Variants in PTPRN2 observed in about 807,000 individuals in gnomAD.
The protein encoded by PTPRN2 is receptor-type tyrosine-protein phosphatase N2.
Under a neutral mutation model 118.8 loss-of-function variants are expected in PTPRN2, and 74 were observed. The observed-to-expected ratio is 0.62, with a 90% CI of 0.52 to 0.76. PTPRN2 has a LOEUF of 0.76. PTPRN2 is among the 30% of genes least tolerant of loss of function. The probability of loss-of-function intolerance (pLI) is 0.00; values close to 1 mark genes in which losing one functional copy is unlikely to be tolerated. For missense variants in PTPRN2, 1,481 were observed against 1,394.4 expected, an observed-to-expected ratio of 1.06 and a Z score of -0.99; for synonymous variants, 641 against 608.0, an observed-to-expected ratio of 1.05 and a Z score of -0.80.
chr7:158,337,086 C>T (rs1805739189), intron 2 of PTPRN2, among the ~76,000 whole-genome samples: 1 of 151,468 alleles, frequency 6.6e-6, no homozygotes, highest in African/African-American at 2.4e-5. Flanking sequence ...GCAGACGTCA[C>T]TCACACCCAC....
At chr7:157,718,428 G>A (rs1467188706) in intron 12 of PTPRN2, among the ~76,000 whole-genome samples, 1 of 152,206 alleles carries the variant, frequency 6.6e-6, no homozygotes, top group Non-Finnish European at 1.5e-5. Context: ...TGATTCTACG[G>A]TGGCTTCACA....
rs1355043061 is a variant in PTPRN2 at position 157,794,569 on chromosome 7, C to T, written c.1788+104104G>A. ...CTATCACCCTCACTGTCACTCTCCG[C>T]TTTGTTTAAATGTGGGGATTTCATT... On this transcript the variant is annotated intron_variant, in intron 12 of 22. Transcript: ENST00000389418. The surrounding 1 kb of genome is among the most constrained non-coding windows in gnomAD (Gnocchi z 5.2). 6.6e-6 allele frequency among the ~76,000 whole-genome samples: 1 copy of T among 152,228 alleles called. No individual in the cohort carries two copies. The highest frequency in any genetic ancestry group is 1.5e-5 in the Non-Finnish European group (1 of 68,046).
At chr7:157,755,717 A>AC in intron 12 of PTPRN2, among the ~76,000 whole-genome samples, 1 of 151,820 alleles carries the variant, frequency 6.6e-6, no homozygotes, top group East Asian at 1.9e-4. Flanking sequence ...GACACTGGGG[A>AC]CCCCCAGAGG....
chr7:158,457,487 G>A (rs1029574517), intron 2 of PTPRN2, among the ~76,000 whole-genome samples: 4 of 151,392 alleles, frequency 2.6e-5, no homozygotes, highest in South Asian at 4.2e-4. Flanking sequence ...ACACGGTGAG[G>A]GGCGTTACCA....
At position 158,363,161 on chromosome 7, in the gene PTPRN2, C is replaced by T. The variant is rs182842502; in HGVS notation, c.164-46229G>A. On this transcript the variant is annotated intron_variant, in intron 2 of 22. Transcript: ENST00000389418. ...CCATGGACAGCAGCTCGCCAGCCTTCGCTGAGCCTCCACCAGAGAGGCAAG... is the reference window on the plus strand; with the variant it reads ...CCATGGACAGCAGCTCGCCAGCCTTTGCTGAGCCTCCACCAGAGAGGCAAG... Among the ~76,000 whole-genome samples, 10 of 152,262 alleles carry T rather than the reference C, an allele frequency of 6.6e-5. No individual in the cohort carries two copies. The East Asian group carries it at 7.7e-4, about 12-fold the overall frequency.
chr7:157,600,251 G>T (rs1189603970), intron 16 of PTPRN2, among the ~76,000 whole-genome samples: 2 of 149,426 alleles, frequency 1.3e-5, no homozygotes, highest in Non-Finnish European at 3.0e-5. Flanking sequence ...CTCTCCACCT[G>T]CCCACATCTC....
chr7:158,545,710 C>A (rs1447594438), intron 1 of PTPRN2, among the ~76,000 whole-genome samples: 1 of 152,146 alleles, frequency 6.6e-6, no homozygotes, highest in African/African-American at 2.4e-5. Flanking sequence ...TTCAAAATTT[C>A]AAATCTTGCC....
At chr7:158,016,128 C>A (rs1455958289) in intron 11 of PTPRN2, among the ~76,000 whole-genome samples, 2 of 152,210 alleles carry the variant, frequency 1.3e-5, no homozygotes, top group African/African-American at 4.8e-5. Flanking sequence ...AACACGGATG[C>A]CTCTCAGAGA....
chr7:158,141,074 G>A lies in PTPRN2; in HGVS notation c.911-2559C>T, dbSNP rs141058631. ...GGGGGGTCCCGCTGCCACCCTCCAC[G>A]CTAGAGGGGTCTCACCACGACCCTC... On this transcript the variant is annotated intron_variant, in intron 6 of 22. Coordinates refer to ENST00000389418, the MANE Select transcript of PTPRN2 (RefSeq NM_002847.5). Among the ~76,000 whole-genome samples the A allele has an allele frequency of 3.0e-3, 451 of 151,588 alleles. 3 individuals are homozygous for A. The highest frequency in any genetic ancestry group is 4.8e-3 in the Non-Finnish European group (324 of 67,818).
intron 12 of PTPRN2, among the ~76,000 whole-genome samples, chr7:157,818,121 T>C (rs1392185411): frequency 6.6e-6 from 1 of 151,108 alleles, no homozygotes; most frequent in Admixed American, 6.6e-5. Flanking sequence ...TGTGGGTGTG[T>C]GTAGTGTGTG....
chr7:157,556,695 CCA>C (rs968953397), intron 21 of PTPRN2, among the ~76,000 whole-genome samples: 2 of 147,734 alleles, frequency 1.4e-5, no homozygotes, highest in East Asian at 2.1e-4. Flanking sequence ...ACACACATGC[CCA>C]CACACATATA....
intron 2 of PTPRN2, among the ~76,000 whole-genome samples, chr7:158,439,924 G>C (rs138735423): frequency 6.6e-6 from 1 of 152,348 alleles, no homozygotes; most frequent in African/African-American, 2.4e-5. Context: ...ATTTATTGAT[G>C]AGAAACCCAG....
intron 3 of PTPRN2, among the ~76,000 whole-genome samples, chr7:158,208,804 A>G (rs926844836): frequency 6.6e-6 from 1 of 152,210 alleles, no homozygotes; most frequent in Non-Finnish European, 1.5e-5. Flanking sequence ...TCTGGAGTTA[A>G]AAGACTAAAA....
In PTPRN2 at chr7:157,627,129, C is replaced by T. The variant is rs780585565; in HGVS notation, c.2197-5620G>A. On this transcript the variant is annotated intron_variant, in intron 14 of 22. Coordinates refer to ENST00000389418, the MANE Select transcript of PTPRN2 (RefSeq NM_002847.5). This position sits in a 1 kb window ranked among gnomAD's most constrained non-coding sequence, Gnocchi z 4.2. ...GGTCCCAGGTGGGGTGCTCCATCTC[C>T]CCTGGAGCCTTCTCAGTGGCCTCCA... Among the ~76,000 whole-genome samples, 1 of 152,240 alleles carries T rather than the reference C, an allele frequency of 6.6e-6. No homozygotes were observed. The highest frequency in any genetic ancestry group is 2.4e-5 in the African/African-American group (1 of 41,454).
chr7:157,549,069 G>A, intron 21 of PTPRN2, 50 bp from the exon 22 acceptor site: 1 of 1,547,688 alleles, frequency 6.5e-7, no homozygotes, highest in South Asian at 1.1e-5. Context: ...GATAATCCAT[G>A]CCACATCTGT....
chr7:158,007,281 G>A (rs900240538), intron 11 of PTPRN2, among the ~76,000 whole-genome samples: 2 of 152,238 alleles, frequency 1.3e-5, no homozygotes, highest in Non-Finnish European at 2.9e-5. Context: ...GTGGAGCTGC[G>A]GCAGTGCGGG....
At chr7:158,280,229 C>T (rs941827559) in intron 3 of PTPRN2, among the ~76,000 whole-genome samples, 11 of 152,342 alleles carry the variant, frequency 7.2e-5, no homozygotes, top group Middle Eastern at 3.4e-3. Flanking sequence ...CTGGTTTTCC[C>T]GGGCCCAATC....
chr7:158,160,755 A>G (rs2150570257), intron 6 of PTPRN2, among the ~76,000 whole-genome samples: 1 of 152,264 alleles, frequency 6.6e-6, no homozygotes, highest in Admixed American at 6.5e-5. Flanking sequence ...TTCCTGACCT[A>G]TGTCTTCATA....
rs369260970 is a variant in PTPRN2 at position 158,070,265 on chromosome 7, G to A, written c.1723+11033C>T. Among the ~76,000 whole-genome samples, 30 of 144,178 alleles carry A rather than the reference G, an allele frequency of 2.1e-4. 1 individual carries two copies. The East Asian group carries it at 4.8e-3, about 23-fold the overall frequency. The allele number at this position is 144,178 out of a possible 152,430, so 94.6% of individuals were successfully genotyped here. Reference sequence around the variant, plus strand: ...CTGCTGTAGAGGTGCTCATGGTGATGGAGGTGCTCATGGTGGAGGTGCTCG... The same window carrying A: ...CTGCTGTAGAGGTGCTCATGGTGATAGAGGTGCTCATGGTGGAGGTGCTCG... On this transcript the variant is annotated intron_variant, in intron 11 of 22. Transcript: ENST00000389418.
Sources: gnomAD v4.1 joint callset for allele counts (sites outside exome capture counted in the v4.1 genomes callset) on GRCh38, gnomAD v4.1.1 for gene constraint, Gnocchi (gnomAD v3.1) non-coding constraint, MANE v1.5 for transcripts, NCBI Gene and HGNC (gene_info 2026-07-23, HGNC 2026-07-21) for gene names.